The following GPC5 variants were observed in gnomAD, a reference collection of about 807,000 sequenced individuals.
The protein encoded by GPC5 is glypican 5.
A neutral mutation model predicts 53.9 loss-of-function variants in GPC5; 47 were observed. The ratio of observed to expected loss-of-function variants is 0.87; its 90% CI spans 0.69 to 1.11. GPC5 has a LOEUF of 1.11. Among genes scored for constraint, GPC5 ranks in the 50% most tolerant of loss-of-function variants. The probability of loss-of-function intolerance (pLI) is 0.00; values close to 1 mark genes in which losing one functional copy is unlikely to be tolerated. For missense variants in GPC5, 748 were observed against 713.1 expected (o/e 1.05, Z -0.56); for synonymous variants, 286 against 263.3 (o/e 1.09, Z -0.84).
At chr13:92,105,840 C>T (rs575434956) in intron 6 of GPC5, among the ~76,000 whole-genome samples, 3 of 151,930 alleles carry the variant, frequency 2.0e-5, no homozygotes, top group Non-Finnish European at 4.4e-5. Context: ...TAAGATCTGG[C>T]ACATTTTTAG....
intron 2 of GPC5, among the ~76,000 whole-genome samples, chr13:91,615,072 A>G (rs950707220): frequency 3.3e-5 from 5 of 151,880 alleles, no homozygotes; most frequent in African/African-American, 9.7e-5. Context: ...TTGACCCAAC[A>G]TGATTTACAA....
intron 7 of GPC5, among the ~76,000 whole-genome samples, chr13:92,600,804 G>C (rs1385238741): frequency 6.6e-6 from 1 of 151,948 alleles, no homozygotes; most frequent in Non-Finnish European, 1.5e-5. Flanking sequence ...ACCACGCCCA[G>C]CCTTTTTTCA....
At chr13:91,537,608 A>G (rs1293788547) in intron 2 of GPC5, among the ~76,000 whole-genome samples, 1 of 152,216 alleles carries the variant, frequency 6.6e-6, no homozygotes, top group African/African-American at 2.4e-5. Flanking sequence ...ATGAATTCCT[A>G]CTATGTTACA....
intron 7 of GPC5, among the ~76,000 whole-genome samples, chr13:92,739,708 AAAAAAAAAAAG>A (rs1336232606): frequency 1.4e-5 from 2 of 143,644 alleles, no homozygotes; most frequent in South Asian, 2.3e-4. Flanking sequence ...CTCCCATCTT[AAAAAAAAAAAG>A]AAAAAAAAAG....
chr13:91,573,420 C>G (rs772340557), intron 2 of GPC5, among the ~76,000 whole-genome samples: 9 of 152,106 alleles, frequency 5.9e-5, no homozygotes, highest in Non-Finnish European at 1.2e-4. Flanking sequence ...TGACTGCTGT[C>G]AAGATTTTTT....
chr13:92,614,118 A>C lies in GPC5; in HGVS notation c.1562-252164A>C, dbSNP rs1884600300. On this transcript the variant is annotated intron_variant, in intron 7 of 7. Coordinates refer to ENST00000377067, the MANE Select transcript of GPC5 (RefSeq NM_004466.6). ...TAGCAAAAGAATGAATCTCCACCCTATCAACTCTCACTCACCAAATATAAT... is the reference window on the plus strand; with the variant it reads ...TAGCAAAAGAATGAATCTCCACCCTCTCAACTCTCACTCACCAAATATAAT... 3.9e-5 allele frequency among the ~76,000 whole-genome samples: 6 copies of C among 152,232 alleles called. No homozygotes were observed. The South Asian group carries it at 1.2e-3, about 32-fold the overall frequency.
At position 92,462,367 on chromosome 13, in the gene GPC5, A is replaced by G. The variant is rs72640226; in HGVS notation, c.1561+317378A>G. Among the ~76,000 whole-genome samples, 1,226 of 152,164 alleles carry G rather than the reference A, an allele frequency of 8.1e-3. 11 individuals are homozygous for G. The highest frequency in any genetic ancestry group is 0.011 in the Non-Finnish European group (771 of 68,000). ...GTGATTAGAATCCAGGTCTGTTTTG[A>G]AGGTAGAGAGTTTAAGGTTGGATGA... is the stretch of plus-strand genomic sequence containing the variant. On this transcript the variant is annotated intron_variant, in intron 7 of 7. Transcript: ENST00000377067.
At chr13:92,640,861 T>C (rs1467317083) in intron 7 of GPC5, among the ~76,000 whole-genome samples, 1 of 151,910 alleles carries the variant, frequency 6.6e-6, no homozygotes, top group Non-Finnish European at 1.5e-5. Flanking sequence ...ATTATTCATC[T>C]ATTATAATAA....
At chr13:92,287,370 G>T in intron 7 of GPC5, among the ~76,000 whole-genome samples, 1 of 152,036 alleles carries the variant, frequency 6.6e-6, no homozygotes, top group East Asian at 1.9e-4. Context: ...TGTCTGTAAG[G>T]TCTACTTTGC....
intron 5 of GPC5, among the ~76,000 whole-genome samples, chr13:91,898,144 C>T (rs2039462800): frequency 6.6e-6 from 1 of 152,122 alleles, no homozygotes; most frequent in Non-Finnish European, 1.5e-5. Context: ...TACCATCATG[C>T]AGGCAGCTTT....
rs191710924 is a variant in GPC5, at chr13:92,521,386, G to T, written c.1562-344896G>T. 4.1e-3 allele frequency among the ~76,000 whole-genome samples: 623 copies of T among 152,282 alleles called. 4 individuals carry two copies. Among genetic ancestry groups the T allele is most frequent in the African/African-American group, 0.014 (582 of 41,552 alleles). ...ACCTGACTTCAAACTACACTACAAG[G>T]CTACAGTAACCGAAACAGCATGGTA... is the stretch of plus-strand genomic sequence containing the variant. On this transcript the variant is annotated intron_variant, in intron 7 of 7. Coordinates refer to ENST00000377067, the MANE Select transcript of GPC5 (RefSeq NM_004466.6).
At chr13:92,469,028 A>G (rs945696625) in intron 7 of GPC5, among the ~76,000 whole-genome samples, 3 of 152,080 alleles carry the variant, frequency 2.0e-5, no homozygotes, top group African/African-American at 7.2e-5. Context: ...TAACTGTTCC[A>G]TGATGTCTTA....
chr13:91,899,845 C>T (rs1160587667), intron 5 of GPC5, among the ~76,000 whole-genome samples: 1 of 152,104 alleles, frequency 6.6e-6, no homozygotes, highest in Non-Finnish European at 1.5e-5. Flanking sequence ...GAGTATGGCC[C>T]TGCCAACATC....
chr13:92,111,780 G>A (rs530179621), intron 6 of GPC5, among the ~76,000 whole-genome samples: 2 of 152,058 alleles, frequency 1.3e-5, no homozygotes, highest in Non-Finnish European at 2.9e-5. Context: ...ACTAATCCAC[G>A]AAAAAGGATT....
chr13:91,506,124 A>G (rs187401839), intron 2 of GPC5, among the ~76,000 whole-genome samples: 7 of 152,266 alleles, frequency 4.6e-5, no homozygotes, highest in Admixed American at 4.6e-4. Context: ...GAGACAGGAG[A>G]GTAAATAAGT....
intron 7 of GPC5, among the ~76,000 whole-genome samples, chr13:92,663,752 C>T (rs1197899918): frequency 1.4e-5 from 2 of 138,502 alleles, no homozygotes. Context: ...TATATCTCTA[C>T]TAAATATATA....
intron 7 of GPC5, among the ~76,000 whole-genome samples, chr13:92,805,932 CT>C (rs1877082996): frequency 6.6e-6 from 1 of 151,982 alleles, no homozygotes; most frequent in African/African-American, 2.4e-5. Flanking sequence ...AAGTCACCAG[CT>C]GCATTATCCC....
At chr13:92,629,580 C>T (rs7982602) in intron 7 of GPC5, among the ~76,000 whole-genome samples, 9,313 of 152,096 alleles carry the variant, frequency 0.061, 499 homozygotes, top group African/African-American at 0.14. Context: ...GAAACATTTT[C>T]GAATATATAA....
At chr13:92,386,874 A>G (rs561087562) in intron 7 of GPC5, among the ~76,000 whole-genome samples, 19 of 152,244 alleles carry the variant, frequency 1.2e-4, no homozygotes, top group African/African-American at 4.3e-4. Flanking sequence ...TTAAAATAGA[A>G]TCTCAGGTTA....
Sources: gnomAD v4.1 joint callset for allele counts (sites outside exome capture counted in the v4.1 genomes callset) on GRCh38, gnomAD v4.1.1 for gene constraint, MANE v1.5 for transcripts, NCBI Gene and HGNC (gene_info 2026-07-23, HGNC 2026-07-21) for gene names.